Variants in VPS13B observed in about 807,000 individuals in gnomAD.
The protein encoded by VPS13B is intermembrane lipid transfer protein VPS13B.
Under a neutral mutation model 426.4 loss-of-function variants are expected in VPS13B, and 285 were observed. The ratio of observed to expected loss-of-function variants is 0.67; its 90% CI spans 0.61 to 0.74. The LOEUF (loss-of-function observed/expected upper bound fraction) is 0.74. Ranked by LOEUF, VPS13B falls within the 30% of genes least tolerant of loss-of-function variation. VPS13B has a pLI of 0.00. For missense variants in VPS13B, 4,537 were observed against 4,782.6 expected (o/e 0.95, Z 1.51); for synonymous variants, 1,676 against 1,676.4 (o/e 1.00, Z 0.01).
intron 30 of VPS13B, among the ~76,000 whole-genome samples, chr8:99,534,874 A>G (rs2133704748): frequency 6.6e-6 from 1 of 152,328 alleles, no homozygotes; most frequent in East Asian, 1.9e-4. Flanking sequence ...CATATAGTGT[A>G]ACCTGCACAT....
At chr8:99,617,374 G>T (rs1020556984) in intron 33 of VPS13B, among the ~76,000 whole-genome samples, 2 of 152,068 alleles carry the variant, frequency 1.3e-5, no homozygotes, top group Non-Finnish European at 2.9e-5. Context: ...TGTCGCCCAG[G>T]CTACAGTGCA....
intron 30 of VPS13B, among the ~76,000 whole-genome samples, chr8:99,536,413 C>T (rs1379602606): frequency 5.3e-5 from 8 of 152,162 alleles, no homozygotes; most frequent in Non-Finnish European, 1.2e-4. Context: ...TAATTTGTAA[C>T]ATCTTCATTC....
At chr8:99,731,328 A>C (rs4735639) in intron 39 of VPS13B, among the ~76,000 whole-genome samples, 15,720 of 152,194 alleles carry the variant, frequency 0.1, 893 homozygotes, top group African/African-American at 0.14. Context: ...TATCTTCACT[A>C]TAACCCTGTG....
chr8:99,050,959 T>A (rs1284901481), intron 3 of VPS13B, among the ~76,000 whole-genome samples: 1 of 152,058 alleles, frequency 6.6e-6, no homozygotes, highest in Non-Finnish European at 1.5e-5. Flanking sequence ...GATTGCAAAA[T>A]TTTTTTCCCA....
At chr8:99,172,760 T>C (rs1230435150) in intron 16 of VPS13B, among the ~76,000 whole-genome samples, 2 of 152,156 alleles carry the variant, frequency 1.3e-5, no homozygotes, top group Admixed American at 1.3e-4. Flanking sequence ...GTAATTCTGA[T>C]CTTAAAATGA....
At chr8:99,083,317 G>T (rs1588012662) in intron 3 of VPS13B, among the ~76,000 whole-genome samples, 1 of 152,198 alleles carries the variant, frequency 6.6e-6, no homozygotes. Flanking sequence ...TGTATCCTGA[G>T]ACTTTGCTGA....
chr8:99,077,869 A>G (rs547819945), intron 3 of VPS13B, among the ~76,000 whole-genome samples: 1 of 152,002 alleles, frequency 6.6e-6, no homozygotes, highest in Admixed American at 6.5e-5. Context: ...AATTTTCTGA[A>G]TTTTCTAAAA....
intron 3 of VPS13B, among the ~76,000 whole-genome samples, chr8:99,043,417 G>A (rs1222109551): frequency 1.3e-5 from 2 of 152,030 alleles, no homozygotes; most frequent in Non-Finnish European, 2.9e-5. Flanking sequence ...TACAAGAGAG[G>A]TATCACCTCT....
intron 35 of VPS13B, among the ~76,000 whole-genome samples, chr8:99,663,595 C>T (rs558236174): frequency 1.6e-3 from 239 of 152,258 alleles, no homozygotes; most frequent in Admixed American, 2.7e-3. Flanking sequence ...ATGCTCTTTA[C>T]ACTGTGATAC....
chr8:99,520,429 GTT>G (rs1554829986), intron 29 of VPS13B, among the ~76,000 whole-genome samples: 2 of 148,118 alleles, frequency 1.4e-5, no homozygotes, highest in African/African-American at 5.0e-5. Flanking sequence ...GTGTGTGTGT[GTT>G]GTATTTAATT....
At chr8:99,680,587 A>G (rs1831119080) in intron 35 of VPS13B, among the ~76,000 whole-genome samples, 1 of 152,238 alleles carries the variant, frequency 6.6e-6, no homozygotes, top group African/African-American at 2.4e-5. Flanking sequence ...TTACTTAAAG[A>G]TACAGAATAT....
intron 30 of VPS13B, among the ~76,000 whole-genome samples, chr8:99,535,217 A>G (rs1823136934): frequency 6.6e-6 from 1 of 152,314 alleles, no homozygotes; most frequent in Non-Finnish European, 1.5e-5. Flanking sequence ...GTTACCAAAA[A>G]AATCCTAATA....
At position 99,128,398 on chromosome 8, in the gene VPS13B, A is replaced by C. The variant is rs1563556732; in HGVS notation, c.1207-6234A>C. ...CAAGATACTGTCCCAAAAAAAAAAAAAAAAAAAAAAAAAAAAAAAAAAAAA... is the reference window on the plus strand; with the variant it reads ...CAAGATACTGTCCCAAAAAAAAAAACAAAAAAAAAAAAAAAAAAAAAAAAA... On this transcript the variant is annotated intron_variant, in intron 8 of 61. Coordinates refer to ENST00000357162, the MANE Select transcript of VPS13B (RefSeq NM_152564.5). Among the ~76,000 whole-genome samples, 150 of 142,786 alleles carry C rather than the reference A, an allele frequency of 1.1e-3. 2 individuals carry two copies. The highest frequency in any genetic ancestry group is 3.6e-3 in the African/African-American group (134 of 37,442). 93.7% of individuals were successfully genotyped at this position (142,786 alleles called of 152,430 possible).
chr8:99,843,030 G>A (rs1815791358), intron 54 of VPS13B, among the ~76,000 whole-genome samples: 1 of 151,950 alleles, frequency 6.6e-6, no homozygotes, highest in African/African-American at 2.4e-5. Context: ...GCAAACGCCT[G>A]TAATCCCAGC....
intron 16 of VPS13B, among the ~76,000 whole-genome samples, chr8:99,173,227 C>T (rs556995955): frequency 3.3e-4 from 50 of 152,162 alleles, no homozygotes; most frequent in Non-Finnish European, 6.5e-4. Context: ...AGAAGTTACA[C>T]GACTTGGTGC....
chr8:99,241,554 T>C (rs1276480096), intron 17 of VPS13B: 1 of 152,192 alleles, frequency 6.6e-6, no homozygotes. Context: ...TGGTGCACTT[T>C]TGCCATTTTT....
intron 37 of VPS13B, among the ~76,000 whole-genome samples, chr8:99,719,597 T>G (rs1035133563): frequency 6.6e-6 from 1 of 152,230 alleles, no homozygotes; most frequent in Non-Finnish European, 1.5e-5. Context: ...TTGCCTTTAT[T>G]CAGTATTTAC....
intron 36 of VPS13B, among the ~76,000 whole-genome samples, chr8:99,714,880 T>C (rs952053314): frequency 1.1e-4 from 16 of 152,100 alleles, no homozygotes; most frequent in African/African-American, 3.9e-4. Flanking sequence ...GGATCCTAGG[T>C]TGAATCCTGG....
chr8:99,553,000 C>A (rs148196291), intron 30 of VPS13B, among the ~76,000 whole-genome samples: 88 of 152,262 alleles, frequency 5.8e-4, no homozygotes, highest in African/African-American at 2.1e-3. Flanking sequence ...TTCTAATTCA[C>A]CCTTTCACTA....
Sources: gnomAD v4.1 joint callset for allele counts (sites outside exome capture counted in the v4.1 genomes callset) on GRCh38, gnomAD v4.1.1 for gene constraint, MANE v1.5 for transcripts, NCBI Gene and HGNC (gene_info 2026-07-23, HGNC 2026-07-21) for gene names.